Variants in KCNMA1 observed in about 807,000 individuals in gnomAD.
The protein encoded by KCNMA1 is Calcium-activated potassium channel subunit alpha-1.
Under a neutral mutation model 140.0 loss-of-function variants are expected in KCNMA1, and 29 were observed. The ratio of observed to expected loss-of-function variants is 0.21; its 90% CI spans 0.15 to 0.28. The LOEUF is 0.28. Among genes scored for constraint, KCNMA1 ranks in the 10% least tolerant of loss-of-function variants. The pLI, the probability that KCNMA1 is intolerant of heterozygous loss-of-function variation, is 1.00. For missense variants in KCNMA1, 880 were observed against 1,602.2 expected (o/e 0.55, Z 7.70); for synonymous variants, 612 against 611.9 (o/e 1.00, Z 0.00).
intron 3 of KCNMA1, among the ~76,000 whole-genome samples, chr10:77,207,355 CA>C (rs1311338780): frequency 3.9e-5 from 6 of 152,104 alleles, no homozygotes; most frequent in Admixed American, 1.3e-4. Context: ...GGATTCAGAC[CA>C]GGGGTTCAAA....
chr10:77,257,434 G>C (rs2061007628), intron 2 of KCNMA1, among the ~76,000 whole-genome samples: 1 of 152,110 alleles, frequency 6.6e-6, no homozygotes, highest in Non-Finnish European at 1.5e-5. Context: ...TCATCTCCAG[G>C]ATATAAAGGA....
intron 23 of KCNMA1, among the ~76,000 whole-genome samples, chr10:76,938,831 C>T (rs961131602): frequency 6.6e-6 from 1 of 152,040 alleles, no homozygotes; most frequent in Non-Finnish European, 1.5e-5. Context: ...CCATTCGCTC[C>T]GTCTCAAGCC....
intron 1 of KCNMA1, among the ~76,000 whole-genome samples, chr10:77,465,363 G>A (rs1231220570): frequency 6.6e-6 from 1 of 152,122 alleles, no homozygotes; most frequent in African/African-American, 2.4e-5. Context: ...AACTTTGCTG[G>A]TCCCTCCTTC....
intron 16 of KCNMA1, among the ~76,000 whole-genome samples, chr10:77,023,601 T>G (rs1228203277): frequency 6.6e-6 from 1 of 152,170 alleles, no homozygotes; most frequent in African/African-American, 2.4e-5. Flanking sequence ...ATCACACAAG[T>G]TCATATACAA....
intron 1 of KCNMA1, among the ~76,000 whole-genome samples, chr10:77,478,856 T>G (rs1037665515): frequency 6.6e-6 from 1 of 152,024 alleles, no homozygotes; most frequent in Non-Finnish European, 1.5e-5. Context: ...GGAAAAGGAG[T>G]GAGCATCCAT....
intron 2 of KCNMA1, chr10:77,373,662 C>T (rs2154417457): frequency 6.6e-6 from 1 of 152,274 alleles, no homozygotes; most frequent in Non-Finnish European, 1.5e-5. Context: ...TCCTTCCATT[C>T]TTCTTTTCAC....
chr10:77,175,232 AGAATT>A lies in KCNMA1; in HGVS notation c.808+8184_808+8188del, dbSNP rs1280874832. On this transcript the variant is annotated intron_variant, in intron 5 of 27. Coordinates refer to ENST00000286628, the MANE Select transcript of KCNMA1 (RefSeq NM_001161352.2). ...CTAATCATTTTAAAAGATGGGCTCC[AGAATT>A]GGACTAACCTGAGTCTTGGACCTGC... Among the ~76,000 whole-genome samples, 3 of 152,222 alleles carry A rather than the reference AGAATT, an allele frequency of 2.0e-5. No homozygotes were observed. The East Asian group carries it at 5.8e-4, about 29-fold the overall frequency.
intron 1 of KCNMA1, among the ~76,000 whole-genome samples, chr10:77,520,093 C>T (rs77219187): frequency 9.5e-4 from 17 of 17,974 alleles, no homozygotes; most frequent in African/African-American, 1.3e-3. Context: ...CTGGAGTATG[C>T]AGTGTGAGGG....
intron 18 of KCNMA1, among the ~76,000 whole-genome samples, chr10:77,006,441 A>T (rs1283018574): frequency 6.6e-6 from 1 of 152,228 alleles, no homozygotes; most frequent in African/African-American, 2.4e-5. Flanking sequence ...ACTAATAAAA[A>T]TATCCACGGA....
At chr10:77,025,207 C>A (rs2093283942) in intron 16 of KCNMA1, among the ~76,000 whole-genome samples, 1 of 128,876 alleles carries the variant, frequency 7.8e-6, no homozygotes, top group Non-Finnish European at 1.6e-5. Context: ...AGGCTACTTC[C>A]AATTTATGTA....
chr10:77,240,209 A>C (rs911493439), intron 3 of KCNMA1, among the ~76,000 whole-genome samples: 1 of 152,364 alleles, frequency 6.6e-6, no homozygotes, highest in African/African-American at 2.4e-5. Flanking sequence ...CAGTTCTTAA[A>C]CAAACAGAGT....
chr10:77,010,847 T>A (rs748080950), intron 18 of KCNMA1, among the ~76,000 whole-genome samples: 1 of 151,860 alleles, frequency 6.6e-6, no homozygotes, highest in African/African-American at 2.4e-5. Context: ...TACTCTTTCA[T>A]AATTGTTCTT....
chr10:76,989,268 T>G (rs1455258023), intron 19 of KCNMA1, among the ~76,000 whole-genome samples: 1 of 152,164 alleles, frequency 6.6e-6, no homozygotes, highest in African/African-American at 2.4e-5. Flanking sequence ...CTGGGCTCTT[T>G]CGGTGTGTCC....
chr10:77,469,980 T>A (rs575016580), intron 1 of KCNMA1, among the ~76,000 whole-genome samples: 58 of 152,242 alleles, frequency 3.8e-4, no homozygotes, highest in Admixed American at 1.2e-3. Context: ...AACTTTTTAA[T>A]CAGCTAATAG....
At chr10:76,961,982 G>C (rs1263264082) in intron 20 of KCNMA1, among the ~76,000 whole-genome samples, 2 of 152,220 alleles carry the variant, frequency 1.3e-5, no homozygotes, top group Non-Finnish European at 2.9e-5. Flanking sequence ...TCTTTGTTTT[G>C]AGGATTCGCA....
chr10:77,188,971 T>G (rs1386337387), intron 3 of KCNMA1, among the ~76,000 whole-genome samples: 1 of 152,080 alleles, frequency 6.6e-6, no homozygotes, highest in East Asian at 1.9e-4. Flanking sequence ...CTGCAGTCTG[T>G]TTTCCCACCT....
chr10:77,094,475 G>C (rs1179005221), intron 9 of KCNMA1, among the ~76,000 whole-genome samples: 1 of 152,174 alleles, frequency 6.6e-6, no homozygotes, highest in Non-Finnish European at 1.5e-5. Context: ...GGCCAAGGGA[G>C]AGGTTTAGTC....
chr10:77,088,900 T>C (rs1005678546), intron 10 of KCNMA1, among the ~76,000 whole-genome samples: 5 of 152,206 alleles, frequency 3.3e-5, no homozygotes, highest in African/African-American at 9.6e-5. Flanking sequence ...TGCCACCTGA[T>C]CAAAATGACT....
intron 2 of KCNMA1, among the ~76,000 whole-genome samples, chr10:77,382,706 A>C (rs1010471731): frequency 6.6e-6 from 1 of 151,394 alleles, no homozygotes; most frequent in Non-Finnish European, 1.5e-5. Flanking sequence ...CTCTACTAAA[A>C]ATACAAAAAT....
Sources: allele counts gnomAD v4.1 joint callset (sites outside exome capture counted in the v4.1 genomes callset), GRCh38; gene constraint gnomAD v4.1.1; transcripts MANE v1.5; gene names NCBI Gene and HGNC (gene_info 2026-07-23, HGNC 2026-07-21).